The following PLCB1 variants were observed in gnomAD, a reference collection of about 807,000 sequenced individuals.
PLCB1 encodes 1-phosphatidylinositol 4,5-bisphosphate phosphodiesterase beta-1.
A neutral mutation model predicts 161.8 loss-of-function variants in PLCB1; 46 were observed. That is an observed-to-expected ratio of 0.28 (90% CI 0.22 to 0.36). The LOEUF is 0.36. Ranked by LOEUF, PLCB1 falls within the 10% of genes least tolerant of loss-of-function variation. PLCB1 has a pLI of 1.00. For synonymous variants in PLCB1, 517 were observed against 503.7 expected (o/e 1.03, Z -0.35); for missense variants, 1,016 against 1,472.5 (o/e 0.69, Z 5.07).
At chr20:8,881,575 A>G (rs1987991125) in intron 31 of PLCB1, 47 bp from the exon 32 acceptor site, 1 of 1,419,550 alleles carries the variant, frequency 7.0e-7, no homozygotes, top group Admixed American at 1.7e-5. Context: ...GAGTGGGTAT[A>G]GAAACATAAA....
intron 14 of PLCB1, among the ~76,000 whole-genome samples, chr20:8,721,361 A>G (rs1053628121): frequency 2.6e-5 from 4 of 152,226 alleles, no homozygotes; most frequent in Admixed American, 6.5e-5. Flanking sequence ...AGTTAAATCA[A>G]TTTAGAACTT....
chr20:8,818,746 T>A (rs2146261102), intron 31 of PLCB1, among the ~76,000 whole-genome samples: 1 of 152,004 alleles, frequency 6.6e-6, no homozygotes, highest in South Asian at 2.1e-4. Context: ...TAAAAATAAG[T>A]TCTGGCCAAC....
At chr20:8,612,197 A>G (rs1433212384) in intron 3 of PLCB1, among the ~76,000 whole-genome samples, 1 of 152,204 alleles carries the variant, frequency 6.6e-6, no homozygotes, top group Non-Finnish European at 1.5e-5. Context: ...AAATGGCAAT[A>G]AAGGCATAAA....
At chr20:8,586,188 G>A in intron 3 of PLCB1, among the ~76,000 whole-genome samples, 1 of 152,102 alleles carries the variant, frequency 6.6e-6, no homozygotes, top group East Asian at 1.9e-4. Context: ...CCCTTGATAT[G>A]GCAAAAGATG....
chr20:8,866,653 G>A (rs998832132), intron 31 of PLCB1, among the ~76,000 whole-genome samples: 3 of 152,090 alleles, frequency 2.0e-5, no homozygotes, highest in African/African-American at 4.8e-5. Flanking sequence ...TTAGAAGAAC[G>A]GGTGTCTGCT....
At chr20:8,870,333 T>C (rs1987569087) in intron 31 of PLCB1, among the ~76,000 whole-genome samples, 1 of 152,238 alleles carries the variant, frequency 6.6e-6, no homozygotes, top group Non-Finnish European at 1.5e-5. Context: ...GTCAAAGTCA[T>C]GAAGGGTTTG....
intron 2 of PLCB1, among the ~76,000 whole-genome samples, chr20:8,260,276 GTCT>G (rs1981628368): frequency 6.7e-6 from 1 of 150,140 alleles, no homozygotes; most frequent in African/African-American, 2.5e-5. Flanking sequence ...TAGAGACAAG[GTCT>G]TTCCATAGTG....
intron 18 of PLCB1, 92 bp from the exon 19 acceptor site, chr20:8,733,146 A>C: frequency 7.6e-7 from 1 of 1,308,708 alleles, no homozygotes. Flanking sequence ...ACAGTCACAA[A>C]AGTGGACTGG....
chr20:8,831,912 CTCTTTCTTTCTTTCTT>C (rs1188505689), intron 31 of PLCB1, among the ~76,000 whole-genome samples: 2,927 of 58,446 alleles, frequency 0.05, 224 homozygotes, highest in Middle Eastern at 0.067. Flanking sequence ...CTCTTTCTTT[CTCTTTCTTTCTTTCTT>C]TCTTTCTTTC....
chr20:8,335,631 G>A (rs769382965), intron 2 of PLCB1, among the ~76,000 whole-genome samples: 4 of 152,110 alleles, frequency 2.6e-5, no homozygotes, highest in Admixed American at 6.5e-5. Flanking sequence ...AGATTGCTTG[G>A]TGCTCCTGCA....
At chr20:8,387,805 G>T (rs1416776392) in intron 3 of PLCB1, among the ~76,000 whole-genome samples, 2 of 152,074 alleles carry the variant, frequency 1.3e-5, no homozygotes, top group Non-Finnish European at 2.9e-5. Context: ...TGGGGGAGGA[G>T]AAAATGGGGA....
intron 2 of PLCB1, among the ~76,000 whole-genome samples, chr20:8,360,180 C>A (rs965498384): frequency 3.3e-5 from 5 of 152,242 alleles, no homozygotes; most frequent in Non-Finnish European, 5.9e-5. Context: ...CAGACATGAA[C>A]TATCAGCTCT....
chr20:8,268,551 C>A (rs1294823519), intron 2 of PLCB1, among the ~76,000 whole-genome samples: 1 of 152,198 alleles, frequency 6.6e-6, no homozygotes, highest in African/African-American at 2.4e-5. Context: ...CACTGTCTTC[C>A]ACAATGGTTG....
intron 17 of PLCB1, among the ~76,000 whole-genome samples, chr20:8,727,885 T>A (rs1980025054): frequency 6.6e-6 from 1 of 152,064 alleles, no homozygotes; most frequent in Non-Finnish European, 1.5e-5. Flanking sequence ...TATACATTAC[T>A]AAGACTGGAT....
chr20:8,783,134 CAA>C (rs35300258), intron 27 of PLCB1, among the ~76,000 whole-genome samples: 96,062 of 151,780 alleles, frequency 0.63, 30,708 homozygotes, highest in Non-Finnish European at 0.67. Context: ...AACAAACCAG[CAA>C]AAAGTAATTG....
At chr20:8,560,140 C>G (rs1986096794) in intron 3 of PLCB1, among the ~76,000 whole-genome samples, 1 of 152,014 alleles carries the variant, frequency 6.6e-6, no homozygotes, top group South Asian at 2.1e-4. Context: ...CCCAATGTGT[C>G]TGATTCAGTA....
intron 2 of PLCB1, among the ~76,000 whole-genome samples, chr20:8,262,978 C>T (rs1981781236): frequency 6.6e-6 from 1 of 152,196 alleles, no homozygotes; most frequent in South Asian, 2.1e-4. Context: ...AAGGCCCCAC[C>T]TCTAAATATA....
chr20:8,772,520 G>T (rs1318520567), intron 26 of PLCB1, among the ~76,000 whole-genome samples: 1 of 152,102 alleles, frequency 6.6e-6, no homozygotes, highest in Non-Finnish European at 1.5e-5. Context: ...GACTTACTCG[G>T]ATACGAGTGT....
intron 2 of PLCB1, among the ~76,000 whole-genome samples, chr20:8,359,329 G>C (rs1453726687): frequency 6.6e-6 from 1 of 152,078 alleles, no homozygotes; most frequent in East Asian, 1.9e-4. Flanking sequence ...TTGGAGTAGA[G>C]CTTTATATAT....
Sources: allele counts gnomAD v4.1 joint callset (sites outside exome capture counted in the v4.1 genomes callset), GRCh38; gene constraint gnomAD v4.1.1; transcripts MANE v1.5; gene names NCBI Gene and HGNC (gene_info 2026-07-23, HGNC 2026-07-21).